The following KCNK2 variants were observed in gnomAD, a reference collection of about 807,000 sequenced individuals.
KCNK2 encodes the protein potassium channel subfamily K member 2.
In KCNK2, 21 loss-of-function variants were observed where a neutral mutation model predicts 40.5. The observed-to-expected ratio is 0.52, with a 90% CI of 0.37 to 0.75. The LOEUF is 0.75. KCNK2 is among the 30% of genes least tolerant of loss of function. KCNK2 has a pLI of 0.00. For missense variants in KCNK2, 399 were observed against 531.6 expected (o/e 0.75, Z 2.45); for synonymous variants, 191 against 202.2 (o/e 0.94, Z 0.47).
chr1:215,112,932 A>G (rs912319459), intron 2 of KCNK2, among the ~76,000 whole-genome samples: 2 of 152,164 alleles, frequency 1.3e-5, no homozygotes, highest in African/African-American at 4.8e-5. Context: ...ATTTCTCACT[A>G]TCGCAAACTG....
intron 5 of KCNK2, among the ~76,000 whole-genome samples, chr1:215,174,652 A>C (rs1663871619): frequency 6.6e-6 from 1 of 152,148 alleles, no homozygotes; most frequent in Non-Finnish European, 1.5e-5. Flanking sequence ...TTTGTTGAGC[A>C]GTGGTTTGTA....
At chr1:215,211,449 G>C (rs1233209565) in intron 6 of KCNK2, among the ~76,000 whole-genome samples, 1 of 152,052 alleles carries the variant, frequency 6.6e-6, no homozygotes, top group Non-Finnish European at 1.5e-5. Context: ...TTTTCCCCAA[G>C]CACCCTTGGT....
chr1:215,134,302 C>T (rs1348568742), intron 3 of KCNK2, among the ~76,000 whole-genome samples: 2 of 152,240 alleles, frequency 1.3e-5, no homozygotes, highest in East Asian at 3.9e-4. Flanking sequence ...GCAAGACTGT[C>T]CCCACTCCAC....
chr1:215,146,211 A>G (rs1662405276), intron 3 of KCNK2, among the ~76,000 whole-genome samples: 1 of 152,174 alleles, frequency 6.6e-6, no homozygotes, highest in African/African-American at 2.4e-5. Flanking sequence ...GAAACAATCT[A>G]CAGGTAGATT....
Position 215,172,053 on chromosome 1 carries a change from A to G in KCNK2, c.693A>G (p.Leu231=), listed in dbSNP as rs1413000362. ...TCATCTCAACAATCATATTTATACT[A>G]TTTGGCTGTGTACTCTTTGTGGCTC... ...IRIISTIIFI[L]FGCVLFVALP... is the part of the protein sequence containing the mutation. The change falls in exon 5 of 7, where the codon CTA becomes CTG. Residue 231 remains leucine, a synonymous_variant. Transcript: ENST00000444842. The G allele has an allele frequency of 3.1e-6, 5 of 1,613,274 alleles. No individual in the cohort carries two copies. The highest frequency in any genetic ancestry group is 2.2e-5 in the East Asian group (1 of 44,818).
rs1666848426 is a variant in KCNK2 at position 215,235,551 on chromosome 1, A to G, written c.*406A>G. 6.6e-6 allele frequency: 1 copy of G among 152,362 alleles called. No homozygotes were observed. The highest frequency in any genetic ancestry group is 1.4e-5 in the Non-Finnish European group (1 of 69,614). 9.4% of individuals were successfully genotyped at this position (152,362 alleles called of 1,614,324 possible). ...TAGATATGGACCATTTATGGATGACAACAATTTTTTTTTTGTAAATGACAA... is the reference window on the plus strand; with the variant it reads ...TAGATATGGACCATTTATGGATGACGACAATTTTTTTTTTGTAAATGACAA... On this transcript the variant is annotated 3_prime_UTR_variant, in exon 7 of 7. Transcript: ENST00000444842.
chr1:215,102,217 C>T (rs1308172985), intron 2 of KCNK2, among the ~76,000 whole-genome samples: 1 of 151,916 alleles, frequency 6.6e-6, no homozygotes, highest in Non-Finnish European at 1.5e-5. Flanking sequence ...GTCATTATTC[C>T]TGAACAGCTT....
intron 6 of KCNK2, among the ~76,000 whole-genome samples, chr1:215,207,021 T>G (rs1225026878): frequency 6.6e-6 from 1 of 152,130 alleles, no homozygotes; most frequent in African/African-American, 2.4e-5. Context: ...TCCAGACAAA[T>G]TCATTCTATT....
At chr1:215,006,761 A>G (rs530206751) in intron 1 of KCNK2, among the ~76,000 whole-genome samples, 1 of 152,008 alleles carries the variant, frequency 6.6e-6, no homozygotes, top group South Asian at 2.1e-4. Context: ...TCCTGTTTGT[A>G]TAGTAATCAT....
intron 6 of KCNK2, among the ~76,000 whole-genome samples, chr1:215,214,980 T>A (rs2102693129): frequency 6.6e-6 from 1 of 152,342 alleles, no homozygotes; most frequent in South Asian, 2.1e-4. Flanking sequence ...TCTGGCAGTT[T>A]TTATCTTCCG....
intron 1 of KCNK2, among the ~76,000 whole-genome samples, chr1:215,022,045 T>A (rs11806269): frequency 0.069 from 10,286 of 150,126 alleles, 427 homozygotes; most frequent in Middle Eastern, 0.19. Flanking sequence ...AGCTTGCAGA[T>A]GACACACTGT....
intron 2 of KCNK2, among the ~76,000 whole-genome samples, chr1:215,093,757 A>G (rs1216799309): frequency 5.8e-5 from 4 of 68,408 alleles, no homozygotes; most frequent in Non-Finnish European, 1.0e-4. Context: ...TATATTATAT[A>G]TTATATAATA....
chr1:215,053,871 G>T (rs1656428871), intron 1 of KCNK2, among the ~76,000 whole-genome samples: 1 of 152,188 alleles, frequency 6.6e-6, no homozygotes, highest in Non-Finnish European at 1.5e-5. Flanking sequence ...GGAGGCTGAG[G>T]CAGGAGAACC....
At chr1:215,094,330 G>GA (rs1659885716) in intron 2 of KCNK2, among the ~76,000 whole-genome samples, 1 of 151,862 alleles carries the variant, frequency 6.6e-6, no homozygotes, top group African/African-American at 2.4e-5. Context: ...TTAATCTCTG[G>GA]AAAAAAGCAC....
intron 3 of KCNK2, among the ~76,000 whole-genome samples, chr1:215,143,011 T>C (rs1262064434): frequency 6.6e-6 from 1 of 152,138 alleles, no homozygotes; most frequent in Non-Finnish European, 1.5e-5. Context: ...CTCATAATTA[T>C]CTTTTTTGTG....
At chr1:215,226,850 G>A (rs2102706669) in intron 6 of KCNK2, among the ~76,000 whole-genome samples, 1 of 152,276 alleles carries the variant, frequency 6.6e-6, no homozygotes, top group African/African-American at 2.4e-5. Flanking sequence ...AGCATCATAG[G>A]CTTCTTAGAA....
At chr1:215,169,895 C>A (rs1399352084) in intron 4 of KCNK2, among the ~76,000 whole-genome samples, 1 of 152,164 alleles carries the variant, frequency 6.6e-6, no homozygotes, top group Non-Finnish European at 1.5e-5. Flanking sequence ...ATCTGCCCAT[C>A]TTGGGCTCCC....
At chr1:215,177,561 C>T (rs191004226) in intron 5 of KCNK2, among the ~76,000 whole-genome samples, 14 of 151,470 alleles carry the variant, frequency 9.2e-5, no homozygotes, top group Admixed American at 6.6e-5. Context: ...CCAGTTTCAT[C>T]CTTCTTTATA....
chr1:215,235,025 C>A lies in KCNK2; in HGVS notation c.1161C>A (p.Asn387Lys). 6.2e-7 allele frequency: 1 copy of A among 1,613,988 alleles called. No individual in the cohort carries two copies. Among genetic ancestry groups the A allele is most frequent in the Non-Finnish European group, 8.5e-7 (1 of 1,179,960 alleles). Reference sequence around the variant, plus strand: ...CTTGTAGGAGGACCCTGTCAGTGAACCACCTGACCAGCGAGAGGGATGTCT... The same window carrying A: ...CTTGTAGGAGGACCCTGTCAGTGAAACACCTGACCAGCGAGAGGGATGTCT... ...LTPCRRTLSV[N>K]HLTSERDVLP... Residue 387 changes from asparagine (N) to lysine (K), a missense_variant, in exon 7 of 7, where the codon AAC (asparagine) becomes AAA (lysine). By Grantham distance (94) the Asn-to-Lys change is moderately conservative. Around this residue, in one of 3 missense-constraint regions of KCNK2, gnomAD observed 103 missense variants for 124.3 expected, o/e 0.83. Coordinates refer to ENST00000444842, the MANE Select transcript of KCNK2 (RefSeq NM_001017425.3).
Sources: allele counts gnomAD v4.1 joint callset (sites outside exome capture counted in the v4.1 genomes callset), GRCh38; gene constraint gnomAD v4.1.1; regional missense constraint gnomAD v4.1.1; transcripts MANE v1.5; gene names NCBI Gene and HGNC (gene_info 2026-07-23, HGNC 2026-07-21).